Variants in DSTYK observed in about 807,000 individuals in gnomAD.
DSTYK encodes the protein dual serine/threonine and tyrosine protein kinase.
A neutral mutation model predicts 98.7 loss-of-function variants in DSTYK; 34 were observed. That is an observed-to-expected ratio of 0.34 (90% confidence interval 0.26 to 0.46). DSTYK has a LOEUF of 0.46. DSTYK is among the 20% of genes least tolerant of loss of function. DSTYK has a pLI of 1.00. For synonymous variants in DSTYK, 462 were observed against 457.3 expected (o/e 1.01, Z -0.13); for missense variants, 962 against 1,181.7 (o/e 0.81, Z 2.73).
intron 1 of DSTYK, among the ~76,000 whole-genome samples, chr1:205,201,053 G>A (rs1292123259): frequency 5.9e-5 from 9 of 152,018 alleles, no homozygotes; most frequent in East Asian, 5.8e-4. Context: ...TTACAGGCAC[G>A]TGCCACCATA....
At chr1:205,186,398 T>C (rs1431891536) in intron 2 of DSTYK, among the ~76,000 whole-genome samples, 2 of 152,094 alleles carry the variant, frequency 1.3e-5, no homozygotes, top group South Asian at 2.1e-4. Flanking sequence ...TGGAAGGAAA[T>C]GAGAGGACAA....
At position 205,148,243 on chromosome 1, in the gene DSTYK, C is replaced by A. The variant is rs1657302287; in HGVS notation, c.2564G>T (p.Cys855Phe). ...GTTCCAGAGATGGTCTTTGCTAGCACACCTCTCAAATGCCTCAGGGAGCTT... is the reference window on the plus strand; with the variant it reads ...GTTCCAGAGATGGTCTTTGCTAGCAAACCTCTCAAATGCCTCAGGGAGCTT... ...SVKLPEAFER[C>F]ASKDHLWNNV... Residue 855 changes from cysteine to phenylalanine, a missense_variant, in exon 12 of 13, where the codon TGT (cysteine) becomes TTT (phenylalanine). Coordinates refer to ENST00000367162, the MANE Select transcript of DSTYK (RefSeq NM_015375.3). The A allele has an allele frequency of 6.2e-7, 1 of 1,614,038 alleles. No homozygotes were observed. Among genetic ancestry groups the A allele is most frequent in the African/African-American group, 1.3e-5 (1 of 74,922 alleles).
rs1408705499 is a variant in DSTYK at position 205,193,732 on chromosome 1, G to A, written c.266-5926C>T. Among the ~76,000 whole-genome samples, 5 of 152,050 alleles carry A rather than the reference G, an allele frequency of 3.3e-5. No homozygotes were observed. In the East Asian group the frequency reaches 7.7e-4, roughly 23 times the overall value. ...CTAAAAATACAAAAATTAGCCAGGCGTGGTAGCATGTGCCTATAGTCCCAA... is the reference window on the plus strand; with the variant it reads ...CTAAAAATACAAAAATTAGCCAGGCATGGTAGCATGTGCCTATAGTCCCAA... On this transcript the variant is annotated intron_variant, in intron 1 of 12. Coordinates refer to ENST00000367162, the MANE Select transcript of DSTYK (RefSeq NM_015375.3).
intron 1 of DSTYK, among the ~76,000 whole-genome samples, chr1:205,206,542 G>C (rs935414283): frequency 6.7e-6 from 1 of 150,158 alleles, no homozygotes; most frequent in African/African-American, 2.5e-5. Flanking sequence ...GCCTGCCAAA[G>C]TGTTGGGATT....
rs1659388172 is a variant in DSTYK, at chr1:205,211,551, T to G, written c.-16A>C. 6.8e-7 allele frequency: 1 copy of G among 1,481,308 alleles called. No homozygotes were observed. Among genetic ancestry groups the G allele is most frequent in the African/African-American group, 1.5e-5 (1 of 68,694 alleles). 91.8% of individuals were successfully genotyped at this position (1,481,308 alleles called of 1,614,324 possible). A position where few individuals can be genotyped will look rare whatever the true frequency, so the allele number is the denominator to read the frequency against. Reference sequence around the variant, plus strand: ...CGCCCTCCATCGCCTCTGCCCGCTCTGTCTTTGCGGCTCGGTCCCCGGCCG... The same window carrying G: ...CGCCCTCCATCGCCTCTGCCCGCTCGGTCTTTGCGGCTCGGTCCCCGGCCG... On this transcript the variant is annotated 5_prime_UTR_variant, in exon 1 of 13. Coordinates refer to ENST00000367162, the MANE Select transcript of DSTYK (RefSeq NM_015375.3).
At chr1:205,175,897 A>G (rs1022819769) in intron 2 of DSTYK, among the ~76,000 whole-genome samples, 1 of 152,218 alleles carries the variant, frequency 6.6e-6, no homozygotes, top group Admixed American at 6.5e-5. Flanking sequence ...TTCAATCGGC[A>G]TATGTAAAAT....
intron 2 of DSTYK, among the ~76,000 whole-genome samples, chr1:205,172,484 G>GT (rs994963880): frequency 0.013 from 1,844 of 136,916 alleles, 22 homozygotes; most frequent in African/African-American, 0.038. Context: ...TCTTTTTTGG[G>GT]TTTTTTTTTT....
chr1:205,195,970 T>A (rs974500190), intron 1 of DSTYK, among the ~76,000 whole-genome samples: 1 of 152,170 alleles, frequency 6.6e-6, no homozygotes, highest in African/African-American at 2.4e-5. Context: ...GCCAACCCCA[T>A]GCTTTACAGA....
intron 10 of DSTYK, among the ~76,000 whole-genome samples, chr1:205,152,553 G>A (rs528340077): frequency 6.6e-6 from 1 of 152,272 alleles, no homozygotes; most frequent in South Asian, 2.1e-4. Flanking sequence ...GTGCATGACT[G>A]TACTTCATAA....
At chr1:205,180,526 G>A (rs754598189) in intron 2 of DSTYK, among the ~76,000 whole-genome samples, 13 of 152,056 alleles carry the variant, frequency 8.5e-5, no homozygotes, top group Non-Finnish European at 1.9e-4. Flanking sequence ...ATGCAATGGC[G>A]CGGTCTCAGC....
Position 205,163,759 on chromosome 1 carries a change from ATCCTGAGACT to A in DSTYK, c.1511_1520del (p.Lys504MetfsTer15). 1 of 1,614,176 alleles carries A rather than the reference ATCCTGAGACT, an allele frequency of 6.2e-7. No homozygotes were observed. The highest frequency in any genetic ancestry group is 8.5e-7 in the Non-Finnish European group (1 of 1,180,026). ...AATTACTGGTGATGTGAACTGAGAC[ATCCTGAGACT>A]TCTCCAGGCTCTGCAGACATCGTTC... On this transcript the variant is annotated frameshift_variant, in exon 4 of 13. Transcript: ENST00000367162. LOFTEE classifies it high-confidence loss of function.
chr1:205,181,409 C>T (rs759058393), intron 2 of DSTYK, among the ~76,000 whole-genome samples: 1 of 152,086 alleles, frequency 6.6e-6, no homozygotes, highest in East Asian at 1.9e-4. Flanking sequence ...GGCTGGAGTG[C>T]AGTGGCATGA....
At chr1:205,209,559 C>G (rs938313159) in intron 1 of DSTYK, among the ~76,000 whole-genome samples, 13 of 151,524 alleles carry the variant, frequency 8.6e-5, no homozygotes, top group African/African-American at 2.7e-4. Flanking sequence ...TAAATGATAC[C>G]GTTCCATTTA....
intron 10 of DSTYK, 119 bp downstream of exon 10, chr1:205,157,154 G>A (rs1327922294): frequency 4.0e-6 from 3 of 754,500 alleles, no homozygotes; most frequent in Non-Finnish European, 6.7e-6. Flanking sequence ...GCGTGAGAAT[G>A]GACTAATACA....
At chr1:205,210,985 T>C (rs1659354691) in intron 1 of DSTYK, among the ~76,000 whole-genome samples, 2 of 152,146 alleles carry the variant, frequency 1.3e-5, no homozygotes, top group Admixed American at 6.5e-5. Flanking sequence ...CCGCCCCAGG[T>C]CCGTCAGCGC....
intron 1 of DSTYK, among the ~76,000 whole-genome samples, chr1:205,210,018 A>G (rs2102492691): frequency 6.6e-6 from 1 of 152,050 alleles, no homozygotes; most frequent in Non-Finnish European, 1.5e-5. Flanking sequence ...CTCCTGCCTC[A>G]GCCTCCCCAG....
At chr1:205,180,096 T>C (rs1658350891) in intron 2 of DSTYK, among the ~76,000 whole-genome samples, 1 of 152,178 alleles carries the variant, frequency 6.6e-6, no homozygotes, top group Admixed American at 6.5e-5. Context: ...CAGCCTCAGC[T>C]TCAGGATGTT....
intron 1 of DSTYK, among the ~76,000 whole-genome samples, chr1:205,190,636 A>AC (rs1553365936): frequency 2.0e-5 from 3 of 150,954 alleles, no homozygotes; most frequent in Admixed American, 6.6e-5. Flanking sequence ...AAAAAAAAAA[A>AC]ACCCAAGAGT....
At chr1:205,168,084 C>T (rs1407951285) in intron 3 of DSTYK, among the ~76,000 whole-genome samples, 4 of 152,216 alleles carry the variant, frequency 2.6e-5, no homozygotes, top group East Asian at 3.9e-4. Flanking sequence ...CCAGCCTGGG[C>T]GACAGAGCGA....
Sources: allele counts gnomAD v4.1 joint callset (sites outside exome capture counted in the v4.1 genomes callset), GRCh38; gene constraint gnomAD v4.1.1; transcripts MANE v1.5; gene names NCBI Gene and HGNC (gene_info 2026-07-23, HGNC 2026-07-21).